The following TMEM131 variants were observed in gnomAD, a reference collection of about 807,000 sequenced individuals.
TMEM131 encodes transmembrane protein 131, also known as 2610524E03Rik.
TMEM131 carries 66 observed loss-of-function variants against 211.6 expected under a neutral mutation model. The observed-to-expected ratio is 0.31, with a 90% CI of 0.26 to 0.38. The LOEUF (loss-of-function observed/expected upper bound fraction) is 0.38. Among genes scored for constraint, TMEM131 ranks in the 10% least tolerant of loss-of-function variants. The pLI, the probability that TMEM131 is intolerant of heterozygous loss-of-function variation, is 1.00. For synonymous variants in TMEM131, 844 were observed against 841.3 expected, an observed-to-expected ratio of 1.00 and a Z score of -0.06; for missense variants, 2,036 against 2,299.3, an observed-to-expected ratio of 0.89 and a Z score of 2.34.
chr2:97,857,292 A>G (rs575408036), intron 5 of TMEM131, among the ~76,000 whole-genome samples: 1 of 152,230 alleles, frequency 6.6e-6, no homozygotes, highest in South Asian at 2.1e-4. Flanking sequence ...GTGGGGGCTG[A>G]TCTCTTCGAA....
intron 1 of TMEM131, among the ~76,000 whole-genome samples, chr2:97,937,364 T>C (rs1197288627): frequency 1.3e-5 from 2 of 152,048 alleles, no homozygotes; most frequent in African/African-American, 4.8e-5. Flanking sequence ...GTTAAGATTA[T>C]CCAGTCTGGG....
At chr2:97,948,357 C>T (rs1364407496) in intron 1 of TMEM131, among the ~76,000 whole-genome samples, 1 of 151,758 alleles carries the variant, frequency 6.6e-6, no homozygotes, top group Non-Finnish European at 1.5e-5. Context: ...AATAAGAAAA[C>T]AAACAGCTCA....
intron 23 of TMEM131, 49 bp downstream of exon 23, chr2:97,802,603 A>G (rs747789642): frequency 1.2e-6 from 2 of 1,606,054 alleles, no homozygotes; most frequent in Non-Finnish European, 8.5e-7. Context: ...TAAATACTTT[A>G]TAATCCTAGT....
At chr2:97,860,417 T>C (rs938167279) in intron 4 of TMEM131, among the ~76,000 whole-genome samples, 1 of 152,176 alleles carries the variant, frequency 6.6e-6, no homozygotes, top group Admixed American at 6.5e-5. Context: ...CAAGGTCCTC[T>C]CCTCATGCAA....
intron 1 of TMEM131, among the ~76,000 whole-genome samples, chr2:97,935,589 G>A (rs1677407529): frequency 6.6e-6 from 1 of 152,030 alleles, no homozygotes; most frequent in Non-Finnish European, 1.5e-5. Flanking sequence ...CATTATCAAT[G>A]TTAATTCAAT....
chr2:97,949,046 AAAATG>A (rs1414380279), intron 1 of TMEM131, among the ~76,000 whole-genome samples: 12 of 152,204 alleles, frequency 7.9e-5, no homozygotes, highest in Non-Finnish European at 1.5e-4. Flanking sequence ...TGTGTGAATG[AAAATG>A]AAAGACTTGT....
intron 5 of TMEM131, among the ~76,000 whole-genome samples, chr2:97,852,913 T>C (rs1673686172): frequency 6.6e-6 from 1 of 152,242 alleles, no homozygotes; most frequent in Non-Finnish European, 1.5e-5. Context: ...GTGCTAAATC[T>C]ATTCTACCTG....
At chr2:97,984,491 G>A (rs970969823) in intron 1 of TMEM131, among the ~76,000 whole-genome samples, 1 of 151,910 alleles carries the variant, frequency 6.6e-6, no homozygotes, top group Non-Finnish European at 1.5e-5. Flanking sequence ...CAGGAAGTGT[G>A]GTACCAACAT....
chr2:97,869,773 T>C (rs1394885739), intron 4 of TMEM131, among the ~76,000 whole-genome samples: 2 of 152,180 alleles, frequency 1.3e-5, no homozygotes, highest in East Asian at 1.9e-4. Context: ...TACATGACCA[T>C]TTGTAAACTC....
At chr2:97,778,829 T>C (rs1679852805) in intron 31 of TMEM131, among the ~76,000 whole-genome samples, 2 of 152,204 alleles carry the variant, frequency 1.3e-5, no homozygotes, top group South Asian at 4.1e-4. Flanking sequence ...TTGCTGACTC[T>C]ATCTTTGCTG....
chr2:97,911,793 C>T (rs1676303024), intron 2 of TMEM131: 1 of 295,698 alleles, frequency 3.4e-6, no homozygotes, highest in African/African-American at 2.3e-5. Context: ...CATGCCAACA[C>T]ATCCTTAAGT....
At chr2:97,841,965 T>C (rs1432392256) in intron 6 of TMEM131, 28 bp from the exon 7 acceptor site, 32 of 1,475,566 alleles carry the variant, frequency 2.2e-5, no homozygotes, top group Non-Finnish European at 2.9e-5. Flanking sequence ...AAAAATGCAA[T>C]TTTAGTTGCT....
At chr2:97,778,689 GAA>G (rs997588190) in intron 31 of TMEM131, among the ~76,000 whole-genome samples, 6 of 152,154 alleles carry the variant, frequency 3.9e-5, no homozygotes, top group Non-Finnish European at 7.3e-5. Context: ...AGGCTGACAA[GAA>G]TCTCTAACCT....
intron 1 of TMEM131, among the ~76,000 whole-genome samples, chr2:97,994,532 C>G (rs1197078331): frequency 6.6e-6 from 1 of 151,982 alleles, no homozygotes; most frequent in Non-Finnish European, 1.5e-5. Flanking sequence ...ATTACCGTGG[C>G]AAGAAATTGT....
At position 97,776,036 on chromosome 2, in the gene TMEM131, A is replaced by C. The variant is rs774665037; in HGVS notation, c.4145-18T>G. ...TCCTTTCCCTGAGGATAAAAATTAA[A>C]GTAAAAGAACTCTTGTTTTTGTTTC... On this transcript the variant is annotated intron_variant, in intron 31 of 40. Transcript: ENST00000186436. The C allele has an allele frequency of 2.5e-6, 4 of 1,593,094 alleles. No homozygotes were observed. The highest frequency in any genetic ancestry group is 3.4e-6 in the Non-Finnish European group (4 of 1,173,732).
At chr2:97,994,578 C>A (rs1680407648) in intron 1 of TMEM131, among the ~76,000 whole-genome samples, 1 of 151,992 alleles carries the variant, frequency 6.6e-6, no homozygotes, top group Admixed American at 6.6e-5. Context: ...CAATGCTAAA[C>A]TAACAAGTTT....
intron 7 of TMEM131, among the ~76,000 whole-genome samples, chr2:97,837,715 C>T (rs1246478655): frequency 6.6e-6 from 1 of 152,110 alleles, no homozygotes; most frequent in Admixed American, 6.5e-5. Context: ...TTTTTTTAAA[C>T]AGCTTTATTG....
At chr2:97,887,315 G>A (rs1232218981) in intron 4 of TMEM131, among the ~76,000 whole-genome samples, 19 of 152,180 alleles carry the variant, frequency 1.2e-4, no homozygotes, top group Non-Finnish European at 7.4e-5. Context: ...TCTTAGGCCT[G>A]ACACAGGCAC....
chr2:97,811,029 T>G (rs1386627183), intron 18 of TMEM131, 99 bp downstream of exon 18: 1 of 860,424 alleles, frequency 1.2e-6, no homozygotes, highest in Non-Finnish European at 1.9e-6. Flanking sequence ...TGGTAAACTG[T>G]AACTCTGAGT....
Sources: gnomAD v4.1 joint callset for allele counts (sites outside exome capture counted in the v4.1 genomes callset) on GRCh38, gnomAD v4.1.1 for gene constraint, MANE v1.5 for transcripts, NCBI Gene and HGNC (gene_info 2026-07-23, HGNC 2026-07-21) for gene names.